Variants in USP34 observed in about 807,000 individuals in gnomAD.
USP34 encodes the protein ubiquitin specific peptidase 34, also known as ubiquitin carboxyl-terminal hydrolase 34.
USP34 carries 70 observed loss-of-function variants against 460.3 expected under a neutral mutation model. The ratio of observed to expected loss-of-function variants is 0.15; its 90% confidence interval spans 0.13 to 0.19. USP34 has a LOEUF of 0.19. Among genes scored for constraint, USP34 ranks in the 10% least tolerant of loss-of-function variants. USP34 has a pLI of 1.00. For synonymous variants in USP34, 1,647 were observed against 1,405.3 expected (o/e 1.17, Z -3.85); for missense variants, 3,985 against 4,236.2 (o/e 0.94, Z 1.65).
chr2:61,300,835 AG>A, intron 29 of USP34, 115 bp downstream of exon 29: 1 of 669,474 alleles, frequency 1.5e-6, no homozygotes, highest in East Asian at 3.3e-5. Context: ...AAAAAAAAAA[AG>A]GAGAGAAAAT....
intron 48 of USP34, among the ~76,000 whole-genome samples, chr2:61,255,569 G>C (rs1304408337): frequency 6.6e-6 from 1 of 152,188 alleles, no homozygotes; most frequent in Admixed American, 6.5e-5. Flanking sequence ...AATGCTGTGA[G>C]GATTAACTGG....
intron 65 of USP34, among the ~76,000 whole-genome samples, chr2:61,222,024 T>C (rs1687602974): frequency 6.6e-6 from 1 of 152,194 alleles, no homozygotes; most frequent in Admixed American, 6.5e-5. Context: ...TCAAGTATAA[T>C]TAACTGTAGT....
At chr2:61,451,499 A>G (rs1233456816) in intron 1 of USP34, among the ~76,000 whole-genome samples, 1 of 151,924 alleles carries the variant, frequency 6.6e-6, no homozygotes, top group Non-Finnish European at 1.5e-5. Flanking sequence ...AGCCTGACCA[A>G]GAGAGAAACC....
At chr2:61,307,216 C>G (rs1311109221) in intron 27 of USP34, among the ~76,000 whole-genome samples, 1 of 147,334 alleles carries the variant, frequency 6.8e-6, no homozygotes, top group African/African-American at 2.5e-5. Context: ...ATCACAAGGA[C>G]AAAAATCCAA....
chr2:61,220,050 C>A, intron 67 of USP34: 1 of 295,406 alleles, frequency 3.4e-6, no homozygotes, highest in Non-Finnish European at 6.1e-6. Context: ...CTTTTTATTC[C>A]CTTCATTACT....
intron 1 of USP34, among the ~76,000 whole-genome samples, chr2:61,461,873 G>A (rs991546710): frequency 2.0e-5 from 3 of 152,150 alleles, no homozygotes; most frequent in African/African-American, 7.2e-5. Context: ...ATGTACATTT[G>A]CGGCATTATT....
chr2:61,213,541 G>A (rs528028978), intron 68 of USP34, among the ~76,000 whole-genome samples: 30 of 152,318 alleles, frequency 2.0e-4, no homozygotes, highest in African/African-American at 6.7e-4. Flanking sequence ...TAAGTGTGCA[G>A]AGTAAAAGGG....
intron 1 of USP34, among the ~76,000 whole-genome samples, chr2:61,421,798 C>CGT (rs1491495564): frequency 2.2e-5 from 2 of 91,526 alleles, no homozygotes; most frequent in Non-Finnish European, 2.7e-5. Flanking sequence ...CACACACACA[C>CGT]GCGCGCGCGC....
chr2:61,255,750 GA>G (rs1448935279), intron 48 of USP34, among the ~76,000 whole-genome samples: 1 of 152,222 alleles, frequency 6.6e-6, no homozygotes, highest in African/African-American at 2.4e-5. Flanking sequence ...CTTAGGATAT[GA>G]ATCATCCCTT....
At chr2:61,247,935 C>T (rs911397436) in intron 49 of USP34, among the ~76,000 whole-genome samples, 2 of 152,104 alleles carry the variant, frequency 1.3e-5, no homozygotes, top group African/African-American at 4.8e-5. Flanking sequence ...ACCTGTAATC[C>T]AAGCACTTGA....
intron 20 of USP34, among the ~76,000 whole-genome samples, chr2:61,328,174 C>G (rs1572938929): frequency 6.6e-6 from 1 of 151,720 alleles, no homozygotes; most frequent in Non-Finnish European, 1.5e-5. Context: ...CAGTGGCAGG[C>G]ACCTGGATTC....
intron 48 of USP34, among the ~76,000 whole-genome samples, chr2:61,255,232 A>G (rs1054967524): frequency 6.6e-6 from 1 of 152,242 alleles, no homozygotes; most frequent in Non-Finnish European, 1.5e-5. Flanking sequence ...CAAAATATAC[A>G]CATCCAAAGA....
At chr2:61,366,440 AC>A (rs1692444307) in intron 10 of USP34, among the ~76,000 whole-genome samples, 1 of 152,130 alleles carries the variant, frequency 6.6e-6, no homozygotes, top group South Asian at 2.1e-4. Flanking sequence ...TCTGTCAGCC[AC>A]CCGTCAGTCA....
At chr2:61,469,441 T>A (rs562309718) in intron 1 of USP34, among the ~76,000 whole-genome samples, 1 of 152,324 alleles carries the variant, frequency 6.6e-6, no homozygotes, top group East Asian at 1.9e-4. Flanking sequence ...AATTCTAGGA[T>A]AATTTAGGGT....
chr2:61,226,929 A>G (rs1317803678), intron 62 of USP34, 138 bp downstream of exon 62: 28 of 1,063,776 alleles, frequency 2.6e-5, no homozygotes, highest in Admixed American at 7.2e-5. Flanking sequence ...AAGGATTTAT[A>G]TAATAAAAGC....
intron 29 of USP34, among the ~76,000 whole-genome samples, chr2:61,298,382 A>C (rs1423560918): frequency 2.1e-5 from 3 of 145,726 alleles, no homozygotes; most frequent in Non-Finnish European, 3.0e-5. Flanking sequence ...AAAAAAAAAA[A>C]AAAAAACTAG....
At chr2:61,316,687 C>G (rs533797129) in intron 23 of USP34, among the ~76,000 whole-genome samples, 82 of 152,148 alleles carry the variant, frequency 5.4e-4, no homozygotes, top group East Asian at 1.2e-3. Flanking sequence ...GAGCTCGAGA[C>G]CAGCCCCGCC....
intron 1 of USP34, among the ~76,000 whole-genome samples, chr2:61,466,835 C>A (rs1269644867): frequency 1.3e-5 from 2 of 151,684 alleles, no homozygotes; most frequent in Non-Finnish European, 2.9e-5. Context: ...TCACTTGAAT[C>A]CGGGAGGTGG....
At chr2:61,415,704 A>T (rs1020067297) in intron 2 of USP34, among the ~76,000 whole-genome samples, 1 of 152,174 alleles carries the variant, frequency 6.6e-6, no homozygotes, top group African/African-American at 2.4e-5. Flanking sequence ...CTGCCAATTA[A>T]TTTTTTTAAA....
Sources: allele counts gnomAD v4.1 joint callset (sites outside exome capture counted in the v4.1 genomes callset), GRCh38; gene constraint gnomAD v4.1.1; transcripts MANE v1.5; gene names NCBI Gene and HGNC (gene_info 2026-07-23, HGNC 2026-07-21).